The following GPHN variants were observed in gnomAD, a reference collection of about 807,000 sequenced individuals.
GPHN encodes gephyrin.
A neutral mutation model predicts 95.5 loss-of-function variants in GPHN; 17 were observed. The ratio of observed to expected loss-of-function variants is 0.18; its 90% confidence interval spans 0.12 to 0.27. GPHN has a LOEUF of 0.27. Among genes scored for constraint, GPHN ranks in the 10% least tolerant of loss-of-function variants. The pLI is 1.00. For missense variants in GPHN, 660 were observed against 978.1 expected (o/e 0.67, Z 4.34); for synonymous variants, 320 against 322.5 (o/e 0.99, Z 0.08).
chr14:67,039,369 TTACA>T (rs2074584257), intron 10 of GPHN, among the ~76,000 whole-genome samples: 3 of 152,238 alleles, frequency 2.0e-5, no homozygotes, highest in African/African-American at 7.2e-5. Flanking sequence ...CTTTGTTATC[TTACA>T]TAGTGTTTTG....
chr14:66,810,088 T>C (rs2060699485), intron 3 of GPHN, among the ~76,000 whole-genome samples: 1 of 152,006 alleles, frequency 6.6e-6, no homozygotes, highest in South Asian at 2.1e-4. Context: ...TATTATATAA[T>C]ATATTTACAC....
At chr14:67,008,882 T>C (rs1030458169) in intron 9 of GPHN, among the ~76,000 whole-genome samples, 1 of 152,202 alleles carries the variant, frequency 6.6e-6, no homozygotes, top group Non-Finnish European at 1.5e-5. Flanking sequence ...TTTTGATTAC[T>C]GCCTATTGAC....
chr14:67,729,381 G>A, the GPHN span: 1 of 1,597,304 alleles, frequency 6.3e-7, no homozygotes, highest in Non-Finnish European at 8.5e-7. Context: ...AGTACTTCAG[G>A]TGTGTGAAGG....
chr14:67,219,580 T>C, the GPHN span, among the ~76,000 whole-genome samples: 1 of 152,216 alleles, frequency 6.6e-6, no homozygotes, highest in Non-Finnish European at 1.5e-5. Context: ...ACATTAAATA[T>C]TATAAGAATA....
In GPHN at chr14:66,842,137, G is replaced by A. The variant is rs533263697; in HGVS notation, c.294+17571G>A. ...ATCTAGACTTCAGTAGGAAAATCTG[G>A]GCTAGAAATATTATTTTTGGAGTCA... On this transcript the variant is annotated intron_variant, in intron 4 of 22. Coordinates refer to ENST00000478722, the MANE Select transcript of GPHN (RefSeq NM_020806.5). 2.0e-5 allele frequency among the ~76,000 whole-genome samples: 3 copies of A among 147,714 alleles called. No individual in the cohort carries two copies. The Admixed American group carries it at 2.1e-4, about 10-fold the overall frequency.
At chr14:66,850,267 A>T (rs1199796201) in intron 4 of GPHN, among the ~76,000 whole-genome samples, 1 of 152,126 alleles carries the variant, frequency 6.6e-6, no homozygotes, top group Admixed American at 6.6e-5. Flanking sequence ...TTACACAATT[A>T]TTTTGCTTGG....
chr14:66,638,190 A>AT (rs1444936915), intron 1 of GPHN, among the ~76,000 whole-genome samples: 1 of 151,984 alleles, frequency 6.6e-6, no homozygotes, highest in Non-Finnish European at 1.5e-5. Context: ...CTGCCCTTAA[A>AT]TAGGGGGCTG....
chr14:67,306,612 G>A, the GPHN span, among the ~76,000 whole-genome samples: 47 of 151,516 alleles, frequency 3.1e-4, no homozygotes, highest in African/African-American at 1.0e-3. Context: ...CTGATGATCC[G>A]CCCACCTTGG....
chr14:67,525,693 G>T, the GPHN span, among the ~76,000 whole-genome samples: 1 of 152,220 alleles, frequency 6.6e-6, no homozygotes, highest in Non-Finnish European at 1.5e-5. Flanking sequence ...TACTGCATAT[G>T]CAGTTTATTA....
intron 14 of GPHN, among the ~76,000 whole-genome samples, chr14:67,111,591 C>CTTGT (rs2078374319): frequency 2.6e-5 from 4 of 151,806 alleles, no homozygotes; most frequent in African/African-American, 9.7e-5. Context: ...AATATTAAAT[C>CTTGT]TTATAAACAA....
intron 10 of GPHN, among the ~76,000 whole-genome samples, chr14:67,056,894 G>A (rs777030902): frequency 3.0e-4 from 45 of 152,178 alleles, no homozygotes; most frequent in Non-Finnish European, 5.6e-4. Context: ...GCGAGAATTC[G>A]AGCGGGCGCT....
Position 66,724,313 on chromosome 14 carries a change from C to T in GPHN, c.143+43128C>T, listed in dbSNP as rs73271332. Among the ~76,000 whole-genome samples, 1,485 of 151,974 alleles carry T rather than the reference C, an allele frequency of 9.8e-3. 26 individuals carry two copies. Among genetic ancestry groups the T allele is most frequent in the African/African-American group, 0.033 (1,386 of 41,418 alleles). ...TTTTCCACAACAAATTCAGATCTTC[C>T]AATCATAAGTAGTATAATGGCAGCT... On this transcript the variant is annotated intron_variant, in intron 2 of 22. Transcript: ENST00000478722.
intron 17 of GPHN, among the ~76,000 whole-genome samples, chr14:67,137,547 T>C (rs2080167343): frequency 6.6e-6 from 1 of 152,126 alleles, no homozygotes; most frequent in Non-Finnish European, 1.5e-5. Context: ...GCAGATCTCT[T>C]GAGCCCAGGA....
At chr14:67,430,473 C>T in the GPHN span, among the ~76,000 whole-genome samples, 2 of 152,188 alleles carry the variant, frequency 1.3e-5, no homozygotes, top group East Asian at 3.8e-4. Context: ...GCAGAAAGAG[C>T]CTTCCCACGT....
chr14:67,088,899 A>G (rs552159139), intron 11 of GPHN, 84 bp from the exon 12 acceptor site: 2 of 784,554 alleles, frequency 2.5e-6, no homozygotes, highest in South Asian at 2.8e-5. Context: ...GTGTCAGACA[A>G]GCACTCATGC....
chr14:66,513,479 AC>A (rs2058121928), intron 1 of GPHN, among the ~76,000 whole-genome samples: 1 of 151,822 alleles, frequency 6.6e-6, no homozygotes, highest in South Asian at 2.1e-4. Flanking sequence ...GTTTTTAAAA[AC>A]AATCAGTAAA....
chr14:67,071,129 C>G (rs1398336427), intron 11 of GPHN, among the ~76,000 whole-genome samples: 1 of 151,252 alleles, frequency 6.6e-6, no homozygotes. Flanking sequence ...CATCCCATTA[C>G]TGGGCATATA....
intron 2 of GPHN, among the ~76,000 whole-genome samples, chr14:66,742,208 G>GT (rs2072852961): frequency 6.6e-6 from 1 of 152,132 alleles, no homozygotes; most frequent in Non-Finnish European, 1.5e-5. Flanking sequence ...GAGTCTCATT[G>GT]TTTACAGTTC....
chr14:67,608,654 A>G, the GPHN span, among the ~76,000 whole-genome samples: 1 of 152,276 alleles, frequency 6.6e-6, no homozygotes, highest in Non-Finnish European at 1.5e-5. Flanking sequence ...TTTCCCAATC[A>G]AGAAACTTCC....
Sources: allele counts gnomAD v4.1 joint callset (sites outside exome capture counted in the v4.1 genomes callset), GRCh38; gene constraint gnomAD v4.1.1; transcripts MANE v1.5; gene names NCBI Gene and HGNC (gene_info 2026-07-23, HGNC 2026-07-21).